The following RFXANK variants were observed in gnomAD, a reference collection of about 807,000 sequenced individuals.
RFXANK encodes the protein DNA-binding protein RFXANK.
RFXANK carries 19 observed loss-of-function variants against 34.5 expected under a neutral mutation model. That is an observed-to-expected ratio of 0.55 (90% CI 0.38 to 0.81). The LOEUF is 0.81. Among genes scored for constraint, RFXANK ranks in the 30% least tolerant of loss-of-function variants. RFXANK has a pLI of 0.00. For synonymous variants in RFXANK, 154 were observed against 149.8 expected, an observed-to-expected ratio of 1.03 and a Z score of -0.20; for missense variants, 295 against 343.5, an observed-to-expected ratio of 0.86 and a Z score of 1.12.
At position 19,201,792 on chromosome 19, in the gene RFXANK, C is replaced by T; in HGVS notation, c.*73C>T. On this transcript the variant is annotated 3_prime_UTR_variant, in exon 10 of 10. Coordinates refer to ENST00000303088, the MANE Select transcript of RFXANK (RefSeq NM_003721.4). The stretch of plus-strand genomic sequence containing the variant: ...CAGAGCTGGGGAAACCCAGAACTGA[C>T]TTCAAAGGCAGCTTCTGGACAGGTG... 14 of 1,613,242 alleles carry T rather than the reference C, an allele frequency of 8.7e-6. No individual in the cohort carries two copies. The highest frequency in any genetic ancestry group is 1.1e-5 in the Non-Finnish European group (13 of 1,179,714).
At chr19:19,195,263 C>G (rs1438699268) in intron 3 of RFXANK, among the ~76,000 whole-genome samples, 1 of 135,944 alleles carries the variant, frequency 7.4e-6, no homozygotes, top group Non-Finnish European at 1.6e-5. Flanking sequence ...CCCTCCCCTC[C>G]CCTCGCCTCC....
At chr19:19,193,800 C>A (rs2060543271) in intron 2 of RFXANK, 139 bp from the exon 3 acceptor site, 1 of 971,448 alleles carries the variant, frequency 1.0e-6, no homozygotes. Context: ...CTCTGGTTTT[C>A]ATTTCCCTGG....
In RFXANK at chr19:19,197,552, C is replaced by A. The variant is rs894644524; in HGVS notation, c.369C>A (p.Arg123=). Residue 123 remains arginine, a synonymous_variant, in exon 6 of 10, where the codon CGC becomes CGA. Transcript: ENST00000303088. ...ACCTCGTCAACAAGCCAGACGAGCG[C>A]GGCTTCACCCCCCTCATCTGGGCCT... ...GDNLVNKPDE[R]GFTPLIWASA... is the part of the protein sequence containing the mutation. The A allele has an allele frequency of 7.4e-6, 12 of 1,613,932 alleles. No homozygotes were observed. In the East Asian group the frequency reaches 2.2e-4, roughly 30 times the overall value.
At chr19:19,197,706 T>C in intron 6 of RFXANK, 85 bp downstream of exon 6, 1 of 1,227,236 alleles carries the variant, frequency 8.1e-7, no homozygotes, top group Non-Finnish European at 1.2e-6. Context: ...GCTGGCGCCT[T>C]GTCTTTGAGA....
chr19:19,197,701 C>A lies in RFXANK; in HGVS notation c.438+80C>A, dbSNP rs1462618480. ...CTGGGGTTTTGGCTGTGTCTGCTGG[C>A]GCCTTGTCTTTGAGATGCGGCTGCT... On this transcript the variant is annotated intron_variant, in intron 6 of 9. Transcript: ENST00000303088. The A allele has an allele frequency of 6.9e-5, 91 of 1,310,390 alleles. No homozygotes were observed. In the South Asian group the frequency reaches 1.1e-3, roughly 15 times the overall value. The allele number at this position is 1,310,390 out of a possible 1,614,324, so 81.2% of individuals were successfully genotyped here.
At chr19:19,201,045 C>T (rs1001368041) in intron 9 of RFXANK, among the ~76,000 whole-genome samples, 1 of 151,836 alleles carries the variant, frequency 6.6e-6, no homozygotes, top group Admixed American at 6.6e-5. Context: ...GTGATCCACC[C>T]GCCTCAGCTT....
At chr19:19,200,588 A>G (rs1000683797) in intron 9 of RFXANK, among the ~76,000 whole-genome samples, 1 of 151,762 alleles carries the variant, frequency 6.6e-6, no homozygotes, top group Non-Finnish European at 1.5e-5. Flanking sequence ...CTGGGACTAC[A>G]GGCATGTACC....
chr19:19,198,126 T>C lies in RFXANK; in HGVS notation c.458T>C (p.Leu153Pro). 1 of 1,613,920 alleles carries C rather than the reference T, an allele frequency of 6.2e-7. No homozygotes were observed. Among genetic ancestry groups the C allele is most frequent in the Non-Finnish European group, 8.5e-7 (1 of 1,179,964 alleles). Reference sequence around the variant, plus strand: ...CTGCAGGGTGCCGACCCCCACATCCTGGCAAAAGAGCGAGAGAGCGCCCTG... The same window carrying C: ...CTGCAGGGTGCCGACCCCCACATCCCGGCAAAAGAGCGAGAGAGCGCCCTG... ...LLEWGADPHI[L>P]AKERESALSL... The change falls in exon 7 of 10, where the codon CTG (leucine) becomes CCG (proline). Residue 153 changes from leucine to proline, a missense_variant. By Grantham distance (98) the Leu-to-Pro change is moderately conservative (BLOSUM62 -3). Coordinates refer to ENST00000303088, the MANE Select transcript of RFXANK (RefSeq NM_003721.4).
intron 8 of RFXANK, 57 bp from the exon 9 acceptor site, chr19:19,199,097 G>T: frequency 6.6e-7 from 1 of 1,523,050 alleles, no homozygotes; most frequent in Non-Finnish European, 9.1e-7. Context: ...CAGGTCCCCA[G>T]ACCCCATTCT....
rs376225883 is a variant in RFXANK at position 19,194,038 on chromosome 19, C to T, written c.92C>T (p.Ala31Val). 2.5e-6 allele frequency: 4 copies of T among 1,614,096 alleles called. No individual in the cohort carries two copies. In the African/African-American group the frequency reaches 5.3e-5, roughly 22 times the overall value. ...LGDPEDPGEE[A>V]ADGSDTVVLS... ...GACCCTGAAGACCCCGGAGAGGAGG[C>T]TGCAGATGGCTCAGACACTGTGGTC... Residue 31 changes from alanine to valine, a missense_variant, in exon 3 of 10, where the codon GCT becomes GTT. Ala to Val is a moderately conservative substitution (Grantham distance 64). Transcript: ENST00000303088.
chr19:19,198,923 G>T (rs573736350), intron 8 of RFXANK, 200 bp downstream of exon 8: 2 of 754,154 alleles, frequency 2.7e-6, no homozygotes, highest in Non-Finnish European at 4.6e-6. Flanking sequence ...TTAGGATCTG[G>T]CCAAGAGGCT....
At position 19,192,363 on chromosome 19, in the gene RFXANK, C is replaced by T. The variant is rs2060497230; in HGVS notation, c.-341C>T. 5.1e-6 allele frequency: 3 copies of T among 587,044 alleles called. No homozygotes were observed. Among genetic ancestry groups the T allele is most frequent in the Non-Finnish European group, 9.1e-6 (3 of 329,876 alleles). 36.4% of individuals were successfully genotyped at this position (587,044 alleles called of 1,614,324 possible). On this transcript the variant is annotated 5_prime_UTR_variant, in exon 1 of 10. Transcript: ENST00000303088. ...CGGCCAGGAGGCTGGTGGAGCGACA[C>T]CCAGGCAGGAGAGGGGGAAGAACTC...
chr19:19,198,346 A>G, intron 7 of RFXANK, 114 bp downstream of exon 7: 1 of 1,478,832 alleles, frequency 6.8e-7, no homozygotes, highest in African/African-American at 1.4e-5. Flanking sequence ...AGAACACGAG[A>G]CAGCCCCATT....
intron 6 of RFXANK, 71 bp downstream of exon 6, chr19:19,197,692 G>A: frequency 7.4e-7 from 1 of 1,359,244 alleles, no homozygotes; most frequent in Non-Finnish European, 1.0e-6. Context: ...TTTTGGCTGT[G>A]TCTGCTGGCG....
chr19:19,193,511 C>T (rs1238289259), intron 2 of RFXANK, among the ~76,000 whole-genome samples: 4 of 151,480 alleles, frequency 2.6e-5, no homozygotes, highest in African/African-American at 7.3e-5. Flanking sequence ...CTCCACCTCC[C>T]GAGTTCAAGC....
chr19:19,196,957 TC>T lies in RFXANK; in HGVS notation c.188-3del. 1 of 1,610,652 alleles carries T rather than the reference TC, an allele frequency of 6.2e-7. No individual in the cohort carries two copies. On this transcript the variant is annotated splice_region_variant and splice_polypyrimidine_tract_variant and intron_variant, in intron 3 of 9. Transcript: ENST00000303088. ...GGGAAACTGACGCCTGTTGTCTGTT[TC>T]CCAGCAGGCAGCTCCCTGAAGCACT... is the stretch of plus-strand genomic sequence containing the variant.
rs958713996 is a variant in RFXANK, at chr19:19,197,124, G to T, written c.272-62G>T. 9 of 1,612,008 alleles carry T rather than the reference G, an allele frequency of 5.6e-6. No homozygotes were observed. In the East Asian group the frequency reaches 1.6e-4, roughly 28 times the overall value. ...CTGTGAGGAGCAATCGTGGACAGAG[G>T]GTAAACTGAGGCACAGAGAAGCAAG... On this transcript the variant is annotated intron_variant, in intron 4 of 9. Transcript: ENST00000303088.
At chr19:19,197,416 C>T in intron 5 of RFXANK, 105 bp from the exon 6 acceptor site, 8 of 1,271,692 alleles carry the variant, frequency 6.3e-6, no homozygotes, top group Non-Finnish European at 9.0e-6. Flanking sequence ...CGCTCCCCCT[C>T]ATTCCCCTGT....
At chr19:19,198,809 G>A in intron 8 of RFXANK, 86 bp downstream of exon 8, 1 of 1,344,174 alleles carries the variant, frequency 7.4e-7, no homozygotes, top group Non-Finnish European at 1.1e-6. Flanking sequence ...ACGCCCAAGT[G>A]TTGCTTGAAG....
Sources: allele counts gnomAD v4.1 joint callset (sites outside exome capture counted in the v4.1 genomes callset), GRCh38; gene constraint gnomAD v4.1.1; transcripts MANE v1.5; gene names NCBI Gene and HGNC (gene_info 2026-07-23, HGNC 2026-07-21).